Variants in NPAS3 observed in about 807,000 individuals in gnomAD.
NPAS3 encodes neuronal PAS domain-containing protein 3.
Under a neutral mutation model 73.1 loss-of-function variants are expected in NPAS3, and 14 were observed. The observed-to-expected ratio is 0.19, with a 90% CI of 0.13 to 0.30. NPAS3 has a LOEUF of 0.30. Ranked by LOEUF, NPAS3 falls within the 10% of genes least tolerant of loss-of-function variation. The pLI is 1.00. For missense variants in NPAS3, 1,096 were observed against 1,250.0 expected, an observed-to-expected ratio of 0.88 and a Z score of 1.86; for synonymous variants, 620 against 541.5, an observed-to-expected ratio of 1.14 and a Z score of -2.01.
chr14:33,523,759 G>A (rs1403008918), intron 4 of NPAS3, among the ~76,000 whole-genome samples: 2 of 151,644 alleles, frequency 1.3e-5, no homozygotes, highest in South Asian at 2.1e-4. Flanking sequence ...CAGCCTGGGC[G>A]ACAGAGCAAG....
intron 3 of NPAS3, among the ~76,000 whole-genome samples, chr14:33,304,683 C>G (rs926932290): frequency 6.6e-6 from 1 of 152,008 alleles, no homozygotes; most frequent in Non-Finnish European, 1.5e-5. Flanking sequence ...GCTTAAAATA[C>G]TCATTTCTAA....
intron 2 of NPAS3, among the ~76,000 whole-genome samples, chr14:33,178,395 T>G (rs2045676564): frequency 6.6e-6 from 1 of 152,166 alleles, no homozygotes; most frequent in South Asian, 2.1e-4. Context: ...TACATTGCTT[T>G]GGGTAGTACT....
intron 5 of NPAS3, among the ~76,000 whole-genome samples, chr14:33,613,621 T>G (rs754227231): frequency 2.0e-5 from 3 of 152,180 alleles, no homozygotes; most frequent in Non-Finnish European, 4.4e-5. Context: ...TGAATGTCCC[T>G]GCCTCAGTGG....
intron 2 of NPAS3, among the ~76,000 whole-genome samples, chr14:33,192,923 C>T (rs1316242608): frequency 1.3e-5 from 2 of 152,144 alleles, no homozygotes; most frequent in Admixed American, 6.5e-5. Context: ...TTTTAGCTTA[C>T]TTGTTAACTA....
intron 2 of NPAS3, among the ~76,000 whole-genome samples, chr14:33,149,219 A>G (rs766620324): frequency 2.0e-5 from 3 of 152,214 alleles, no homozygotes; most frequent in Non-Finnish European, 4.4e-5. Context: ...TATGTAAAGG[A>G]AAGGGCTATA....
chr14:33,373,386 A>ATGCG (rs1472393816), intron 4 of NPAS3, among the ~76,000 whole-genome samples: 6 of 147,140 alleles, frequency 4.1e-5, no homozygotes, highest in African/African-American at 1.5e-4. Flanking sequence ...ATTGAACTAT[A>ATGCG]TGTGTGTGTG....
intron 1 of NPAS3, among the ~76,000 whole-genome samples, chr14:33,043,110 AAG>A (rs2040397837): frequency 6.6e-6 from 1 of 152,180 alleles, no homozygotes; most frequent in Non-Finnish European, 1.5e-5. Flanking sequence ...TGTCATTCAA[AAG>A]AAGTAGAAGA....
chr14:33,009,469 C>G (rs2039114393), intron 1 of NPAS3, among the ~76,000 whole-genome samples: 2 of 152,064 alleles, frequency 1.3e-5, no homozygotes, highest in South Asian at 4.1e-4. Context: ...GATGGTGAGG[C>G]AGAGAGCATC....
At chr14:33,776,807 G>C (rs1481629930) in intron 8 of NPAS3, among the ~76,000 whole-genome samples, 1 of 152,122 alleles carries the variant, frequency 6.6e-6, no homozygotes, top group Non-Finnish European at 1.5e-5. Context: ...TCAGGATTCT[G>C]ATCCTGGTGT....
chr14:33,111,523 C>T (rs538339180), intron 2 of NPAS3, among the ~76,000 whole-genome samples: 2 of 152,212 alleles, frequency 1.3e-5, no homozygotes, highest in African/African-American at 4.8e-5. Context: ...GAACTCTATT[C>T]CATTGTTGCC....
intron 10 of NPAS3, among the ~76,000 whole-genome samples, chr14:33,794,640 T>C (rs1224942878): frequency 6.6e-5 from 10 of 151,718 alleles, no homozygotes; most frequent in African/African-American, 2.4e-4. Context: ...CACTGCTTTG[T>C]GATCTTTGGC....
intron 4 of NPAS3, among the ~76,000 whole-genome samples, chr14:33,443,487 G>C (rs1483056994): frequency 6.6e-6 from 1 of 152,178 alleles, no homozygotes; most frequent in African/African-American, 2.4e-5. Flanking sequence ...AAGAGCACCA[G>C]TAGGGAATCC....
intron 5 of NPAS3, among the ~76,000 whole-genome samples, chr14:33,618,857 A>T (rs187897002): frequency 9.9e-5 from 15 of 152,228 alleles, no homozygotes; most frequent in Non-Finnish European, 2.2e-4. Context: ...AACAAAGCAG[A>T]CCTTCCGCAG....
At chr14:33,045,947 C>T (rs1228635236) in intron 1 of NPAS3, among the ~76,000 whole-genome samples, 1 of 152,172 alleles carries the variant, frequency 6.6e-6, no homozygotes, top group Non-Finnish European at 1.5e-5. Context: ...GACCTACTTC[C>T]TGTACACGTC....
At chr14:33,615,660 A>T (rs1422967981) in intron 5 of NPAS3, among the ~76,000 whole-genome samples, 2 of 152,174 alleles carry the variant, frequency 1.3e-5, no homozygotes, top group Admixed American at 6.6e-5. Flanking sequence ...CCTTTGCTAT[A>T]ATAATTTGAG....
At chr14:33,403,375 A>C (rs563990484) in intron 4 of NPAS3, among the ~76,000 whole-genome samples, 2 of 152,226 alleles carry the variant, frequency 1.3e-5, no homozygotes, top group South Asian at 4.1e-4. Flanking sequence ...ATCTAGGCCT[A>C]AGAAAAAATG....
intron 1 of NPAS3, among the ~76,000 whole-genome samples, chr14:33,029,781 C>G (rs1174867300): frequency 6.6e-6 from 1 of 152,074 alleles, no homozygotes; most frequent in Non-Finnish European, 1.5e-5. Context: ...AATGCCAAAA[C>G]CAAAATGAGA....
intron 2 of NPAS3, among the ~76,000 whole-genome samples, chr14:33,133,665 A>G (rs990620440): frequency 6.6e-6 from 1 of 152,250 alleles, no homozygotes; most frequent in African/African-American, 2.4e-5. Flanking sequence ...CGTAGTTTGT[A>G]GAAAAGGTGA....
intron 3 of NPAS3, among the ~76,000 whole-genome samples, chr14:33,226,912 A>C (rs2047657746): frequency 1.3e-5 from 2 of 152,252 alleles, no homozygotes; most frequent in African/African-American, 4.8e-5. Flanking sequence ...TTTGGGTTTT[A>C]TATAAATACT....
Sources: gnomAD v4.1 joint callset for allele counts (sites outside exome capture counted in the v4.1 genomes callset) on GRCh38, gnomAD v4.1.1 for gene constraint, MANE v1.5 for transcripts, NCBI Gene and HGNC (gene_info 2026-07-23, HGNC 2026-07-21) for gene names.